The following FAS variants were observed in gnomAD, a reference collection of about 807,000 sequenced individuals.
FAS encodes the protein Fas cell surface death receptor, also known as tumor necrosis factor receptor superfamily member 6.
A neutral mutation model predicts 33.2 loss-of-function variants in FAS; 5 were observed. That is an observed-to-expected ratio of 0.15 (90% CI 0.08 to 0.32). The LOEUF (loss-of-function observed/expected upper bound fraction) is 0.32, where lower values mean the gene tolerates loss of function less well. Among genes scored for constraint, FAS ranks in the 10% least tolerant of loss-of-function variants. The probability of loss-of-function intolerance (pLI) is 1.00; values close to 1 mark genes in which losing one functional copy is unlikely to be tolerated. For synonymous variants in FAS, 131 were observed against 130.7 expected (o/e 1.00, Z -0.01); for missense variants, 339 against 386.0 (o/e 0.88, Z 1.02).
rs1359366761 is a variant in FAS at position 89,015,419 on chromosome 10, C to T, written c.*969C>T. 1 of 529,368 alleles carries T rather than the reference C, an allele frequency of 1.9e-6. No individual in the cohort carries two copies. The highest frequency in any genetic ancestry group is 2.2e-5 in the Admixed American group (1 of 44,602). The allele number at this position is 529,368 out of a possible 1,614,324, so 32.8% of individuals were successfully genotyped here. A position where few individuals can be genotyped will look rare whatever the true frequency, so the allele number is the denominator to read the frequency against. On this transcript the variant is annotated 3_prime_UTR_variant, in exon 9 of 9. Coordinates refer to ENST00000652046, the MANE Select transcript of FAS (RefSeq NM_000043.6). ...ATGATAAAATAGATTCTTATTTTTCCCCCACCCCCGAAAATGTTCAATAAT... is the reference window on the plus strand; with the variant it reads ...ATGATAAAATAGATTCTTATTTTTCTCCCACCCCCGAAAATGTTCAATAAT...
intron 1 of FAS, among the ~76,000 whole-genome samples, chr10:88,995,805 G>T (rs952231080): frequency 6.6e-6 from 1 of 152,032 alleles, no homozygotes; most frequent in Non-Finnish European, 1.5e-5. Flanking sequence ...CAGGCTGGGC[G>T]ACAGAGTGAG....
chr10:89,003,685 A>C (rs1159447524), intron 2 of FAS, among the ~76,000 whole-genome samples: 1 of 152,250 alleles, frequency 6.6e-6, no homozygotes, highest in African/African-American at 2.4e-5. Context: ...GAATAAGAAA[A>C]GCAACAGGCA....
chr10:88,984,030 G>A (rs11202920), upstream of FAS, among the ~76,000 whole-genome samples: 1 of 152,168 alleles, frequency 6.6e-6, no homozygotes, highest in Non-Finnish European at 1.5e-5. Flanking sequence ...GGAGGTTTCA[G>A]ATGGTAAAAT....
chr10:89,002,959 G>A (rs1848011885), intron 1 of FAS, 70 bp from the exon 2 acceptor site: 2 of 1,577,708 alleles, frequency 1.3e-6, no homozygotes, highest in African/African-American at 2.7e-5. Context: ...ATTTTGGGTG[G>A]GTTACACTTG....
rs1004341827 is a variant in FAS at position 89,015,195 on chromosome 10, G to T, written c.*745G>T. 10 of 534,628 alleles carry T rather than the reference G, an allele frequency of 1.9e-5. No individual in the cohort carries two copies. In the East Asian group the frequency reaches 1.9e-4, roughly 10 times the overall value. The allele number at this position is 534,628 out of a possible 1,614,324, so 33.1% of individuals were successfully genotyped here. The stretch of plus-strand genomic sequence containing the variant: ...AGCAGGAGAGTATTACTAGAGCTTT[G>T]CCACCTCTCCATTTTTGCCTTGGTG... On this transcript the variant is annotated 3_prime_UTR_variant, in exon 9 of 9. Transcript: ENST00000652046.
At chr10:89,007,352 T>C (rs1274327860) in intron 2 of FAS, among the ~76,000 whole-genome samples, 1 of 152,202 alleles carries the variant, frequency 6.6e-6, no homozygotes, top group African/African-American at 2.4e-5. Context: ...TCTGAATATA[T>C]ACCAACCAAC....
chr10:89,001,909 AT>A (rs1464004487), intron 1 of FAS, among the ~76,000 whole-genome samples: 3 of 152,160 alleles, frequency 2.0e-5, no homozygotes, highest in Non-Finnish European at 4.4e-5. Flanking sequence ...GTTCTGAGAA[AT>A]TCAGTGCCCA....
At chr10:88,987,821 T>C (rs1044623258), upstream of FAS, among the ~76,000 whole-genome samples, 7 of 152,238 alleles carry the variant, frequency 4.6e-5, no homozygotes, top group Non-Finnish European at 1.0e-4. Context: ...AGTCAAACAC[T>C]ATCTTAGATG....
At chr10:89,012,370 G>C (rs1848576648) in intron 7 of FAS, 13 of 332,498 alleles carry the variant, frequency 3.9e-5, no homozygotes, top group South Asian at 3.6e-4. Flanking sequence ...ATAGAGACAG[G>C]GTTCACTTTG....
At chr10:88,973,756 A>T (rs1846500425) in intron 2 of FAS, 1 of 153,096 alleles carries the variant, frequency 6.5e-6, no homozygotes, top group Admixed American at 6.5e-5. Context: ...CAGGCCAAAT[A>T]TTAACAGGTA....
intron 2 of FAS, among the ~76,000 whole-genome samples, chr10:88,978,306 G>A (rs1248084058): frequency 1.6e-4 from 24 of 147,476 alleles, no homozygotes; most frequent in Non-Finnish European, 3.3e-4. Context: ...GCTAGATGAC[G>A]AGTTAGTGGG....
At chr10:88,972,057 C>T (rs1257540190) in intron 1 of FAS, among the ~76,000 whole-genome samples, 1 of 151,964 alleles carries the variant, frequency 6.6e-6, no homozygotes, top group African/African-American at 2.4e-5. Context: ...TACAGGCTCA[C>T]ACCACCACGC....
intron 2 of FAS, among the ~76,000 whole-genome samples, chr10:88,981,187 C>A (rs2133348354): frequency 6.6e-6 from 1 of 152,294 alleles, no homozygotes; most frequent in Non-Finnish European, 1.5e-5. Flanking sequence ...TCGAGCTCTG[C>A]CACATACTCG....
At chr10:88,985,819 G>T (rs962530135), upstream of FAS, among the ~76,000 whole-genome samples, 1 of 152,224 alleles carries the variant, frequency 6.6e-6, no homozygotes, top group African/African-American at 2.4e-5. Context: ...TTGGGGGCAG[G>T]GAGGAAGTCT....
chr10:88,998,401 G>C (rs1264691453), intron 1 of FAS, among the ~76,000 whole-genome samples: 2 of 149,744 alleles, frequency 1.3e-5, no homozygotes, highest in East Asian at 3.9e-4. Flanking sequence ...CTCTTCCAAA[G>C]TCTGGACCCT....
chr10:89,014,064 C>T (rs556875970), intron 8 of FAS, 55 bp from the exon 9 acceptor site: 11 of 1,548,214 alleles, frequency 7.1e-6, no homozygotes, highest in Non-Finnish European at 9.7e-6. Context: ...ATGGTTTTCA[C>T]TAATGGGAAT....
intron 1 of FAS, among the ~76,000 whole-genome samples, chr10:88,996,603 C>T (rs1847608365): frequency 1.3e-5 from 2 of 151,726 alleles, no homozygotes; most frequent in Non-Finnish European, 2.9e-5. Flanking sequence ...GTGTTCTCGC[C>T]ACACACACAC....
rs935319175 is a variant in FAS, at chr10:89,016,646, A to C, written c.*2196A>C. 4.5e-6 allele frequency: 1 copy of C among 222,806 alleles called. No homozygotes were observed. Among genetic ancestry groups the C allele is most frequent in the Non-Finnish European group, 9.0e-6 (1 of 111,576 alleles). 13.8% of individuals were successfully genotyped at this position (222,806 alleles called of 1,614,324 possible). A position where few individuals can be genotyped will look rare whatever the true frequency, so the allele number is the denominator to read the frequency against. On this transcript the variant is annotated 3_prime_UTR_variant, in exon 9 of 9. Transcript: ENST00000652046. ...GTCAATGAGCACAGCCACATTCCCG[A>C]GTTGAGGTGACCCCACGGTCCAGAA...
intron 2 of FAS, among the ~76,000 whole-genome samples, chr10:88,978,531 G>A (rs1025652130): frequency 6.6e-6 from 1 of 152,218 alleles, no homozygotes; most frequent in East Asian, 1.9e-4. Context: ...CATCACCCCT[G>A]CTCTGACCTG....
Sources: allele counts gnomAD v4.1 joint callset (sites outside exome capture counted in the v4.1 genomes callset), GRCh38; gene constraint gnomAD v4.1.1; transcripts MANE v1.5; gene names NCBI Gene and HGNC (gene_info 2026-07-23, HGNC 2026-07-21).